DHX32: variants seen among roughly 807,000 people sequenced by gnomAD.
The protein encoded by DHX32 is DEAH-box helicase 32 (putative).
A neutral mutation model predicts 70.0 loss-of-function variants in DHX32; 51 were observed. That is an observed-to-expected ratio of 0.73 (90% confidence interval 0.58 to 0.92). The LOEUF (loss-of-function observed/expected upper bound fraction) is 0.92. Among genes scored for constraint, DHX32 ranks in the 40% least tolerant of loss-of-function variants. DHX32 has a pLI of 0.00. For synonymous variants in DHX32, 310 were observed against 315.3 expected (o/e 0.98, Z 0.18); for missense variants, 762 against 891.8 (o/e 0.85, Z 1.85).
At chr10:125,865,425 C>A (rs1944214782) in intron 2 of DHX32, among the ~76,000 whole-genome samples, 1 of 152,202 alleles carries the variant, frequency 6.6e-6, no homozygotes, top group Non-Finnish European at 1.5e-5. Flanking sequence ...TGCTGATGGT[C>A]TAAAGACTTT....
chr10:125,856,591 A>G (rs981941913), intron 3 of DHX32, among the ~76,000 whole-genome samples: 43 of 152,238 alleles, frequency 2.8e-4, no homozygotes, highest in African/African-American at 1.0e-3. Flanking sequence ...AGGCAAATGC[A>G]CTGCCGTTTC....
intron 8 of DHX32, among the ~76,000 whole-genome samples, chr10:125,840,608 C>T (rs1408117089): frequency 6.6e-6 from 1 of 152,224 alleles, no homozygotes; most frequent in Non-Finnish European, 1.5e-5. Context: ...TGAGTGGAGT[C>T]CTGGAGCTCT....
chr10:125,852,533 A>G lies in DHX32; in HGVS notation c.1192+10T>C, dbSNP rs751246260. On this transcript the variant is annotated intron_variant, in intron 5 of 10. Coordinates refer to ENST00000284690, the MANE Select transcript of DHX32 (RefSeq NM_018180.3). The stretch of plus-strand genomic sequence containing the variant: ...TTGACAACATTTAGTATTTGTGTCC[A>G]CAGCACTACCTGAAGAAGATGAGCC... 4.3e-6 allele frequency: 7 copies of G among 1,613,338 alleles called. No individual in the cohort carries two copies. Among genetic ancestry groups the G allele is most frequent in the Admixed American group, 1.7e-5 (1 of 59,898 alleles).
chr10:125,860,810 C>T (rs1330953929), intron 2 of DHX32, among the ~76,000 whole-genome samples: 3 of 130,102 alleles, frequency 2.3e-5, no homozygotes, highest in Non-Finnish European at 3.1e-5. Flanking sequence ...GGCTGGAGTG[C>T]AGTGGCGCAA....
Position 125,863,384 on chromosome 10 carries a change from G to T in DHX32, c.477-3409C>A, listed in dbSNP as rs899339672. On this transcript the variant is annotated intron_variant, in intron 2 of 10. Transcript: ENST00000284690. Reference sequence around the variant, plus strand: ...TATGATGTGTTTGATAGATACTAAGGGGCTACCAAAAAAATGAAAAAGACA... The same window carrying T: ...TATGATGTGTTTGATAGATACTAAGTGGCTACCAAAAAAATGAAAAAGACA... Among the ~76,000 whole-genome samples, 26 of 151,444 alleles carry T rather than the reference G, an allele frequency of 1.7e-4. 1 individual carries two copies. Among genetic ancestry groups the T allele is most frequent in the Admixed American group, 1.6e-3 (24 of 15,218 alleles).
chr10:125,877,984 A>G (rs988630944), intron 1 of DHX32, among the ~76,000 whole-genome samples: 1 of 152,252 alleles, frequency 6.6e-6, no homozygotes, highest in African/African-American at 2.4e-5. Flanking sequence ...TCTAATTCTT[A>G]CATCGCGAGA....
intron 7 of DHX32, chr10:125,841,346 C>A (rs1854874585): frequency 6.2e-7 from 1 of 1,613,976 alleles, no homozygotes; most frequent in South Asian, 1.1e-5. Context: ...TCTGTTCCCC[C>A]AGTATTAGAA....
rs1944314318 is a variant in DHX32, at chr10:125,881,076, GAAAC to G, written c.-256_-253del. Reference sequence around the variant, plus strand: ...AATGATTGTCAATAAACCACACTAAGAAACAAACAAACAAAAAGAGTAAGGAAAA... The same window carrying G: ...AATGATTGTCAATAAACCACACTAAGAAACAAACAAAAAGAGTAAGGAAAA... On this transcript the variant is annotated 5_prime_UTR_variant, in exon 1 of 11. Coordinates refer to ENST00000284690, the MANE Select transcript of DHX32 (RefSeq NM_018180.3). 3 of 372,398 alleles carry G rather than the reference GAAAC, an allele frequency of 8.1e-6. No individual in the cohort carries two copies. Among genetic ancestry groups the G allele is most frequent in the South Asian group, 1.2e-4 (1 of 8,346 alleles). The allele number at this position is 372,398 out of a possible 1,614,324, so 23.1% of individuals were successfully genotyped here.
intron 6 of DHX32, among the ~76,000 whole-genome samples, chr10:125,846,879 G>A (rs952556250): frequency 1.3e-5 from 2 of 152,180 alleles, no homozygotes; most frequent in African/African-American, 4.8e-5. Context: ...AGGGCAGAGA[G>A]CAGCTAAGAC....
At chr10:125,850,178 T>A (rs917339649) in intron 6 of DHX32, among the ~76,000 whole-genome samples, 6 of 150,638 alleles carry the variant, frequency 4.0e-5, no homozygotes, top group Non-Finnish European at 7.4e-5. Flanking sequence ...GGTCTTGTTA[T>A]ATTGCCCAGG....
In DHX32 at chr10:125,836,696, A is replaced by G. The variant is rs1854696382; in HGVS notation, c.2223T>C (p.Thr741=). ...ETCPETEQRC[T]LQ is the part of the protein sequence containing the mutation. ...TGTGTTTGCTGGGGAGTCACTGGAG[A>G]GTGCATCTCTGTTCAGTTTCAGGGC... is the stretch of plus-strand genomic sequence containing the variant. The change falls in exon 11 of 11, where the codon ACT becomes ACC. Residue 741 remains threonine, a synonymous_variant. Coordinates refer to ENST00000284690, the MANE Select transcript of DHX32 (RefSeq NM_018180.3). 2 of 1,613,714 alleles carry G rather than the reference A, an allele frequency of 1.2e-6. No individual in the cohort carries two copies. The highest frequency in any genetic ancestry group is 2.2e-5 in the East Asian group (1 of 44,884).
At chr10:125,844,839 T>C (rs1015490730) in intron 6 of DHX32, among the ~76,000 whole-genome samples, 1 of 152,238 alleles carries the variant, frequency 6.6e-6, no homozygotes, top group African/African-American at 2.4e-5. Flanking sequence ...TCATCTTTAT[T>C]AAGCTCGCTT....
intron 8 of DHX32, among the ~76,000 whole-genome samples, chr10:125,840,144 C>T (rs1173784982): frequency 3.3e-5 from 5 of 152,166 alleles, no homozygotes; most frequent in African/African-American, 7.2e-5. Flanking sequence ...TACTGGCTGC[C>T]CTTTATGGGT....
chr10:125,842,861 G>T (rs900137002), intron 6 of DHX32: 62 of 770,476 alleles, frequency 8.0e-5, no homozygotes, highest in Admixed American at 6.3e-5. Context: ...TAATGATGTG[G>T]TATTATATAT....
At chr10:125,855,436 T>A (rs1221528004) in intron 3 of DHX32, among the ~76,000 whole-genome samples, 1 of 149,032 alleles carries the variant, frequency 6.7e-6, no homozygotes, top group Non-Finnish European at 1.5e-5. Context: ...CAATTTCCTA[T>A]CAAGATAAAC....
At chr10:125,891,190 C>G (rs1235265373) in intron 1 of DHX32, among the ~76,000 whole-genome samples, 1 of 152,190 alleles carries the variant, frequency 6.6e-6, no homozygotes, top group Non-Finnish European at 1.5e-5. Context: ...TGCAAAAATA[C>G]TAATCTGGCT....
In DHX32 at chr10:125,880,908, G is replaced by A; in HGVS notation, c.-84C>T. 6.8e-7 allele frequency: 1 copy of A among 1,481,454 alleles called. No homozygotes were observed. Among genetic ancestry groups the A allele is most frequent in the Non-Finnish European group, 9.1e-7 (1 of 1,100,378 alleles). The allele number at this position is 1,481,454 out of a possible 1,614,324, so 91.8% of individuals were successfully genotyped here. On this transcript the variant is annotated 5_prime_UTR_variant, in exon 1 of 11. Coordinates refer to ENST00000284690, the MANE Select transcript of DHX32 (RefSeq NM_018180.3). ...AACCCATTGCAAACAGGGCTTAAAA[G>A]CCTATTTATACAAACCCGTATGTTC...
At chr10:125,836,885 A>AT (rs1412695346) in intron 10 of DHX32, 30 bp from the exon 11 acceptor site, 1 of 1,603,884 alleles carries the variant, frequency 6.2e-7, no homozygotes, top group African/African-American at 1.3e-5. Context: ...AGATGAGATT[A>AT]TGAGTGGGGA....
intron 6 of DHX32, among the ~76,000 whole-genome samples, chr10:125,843,598 C>T (rs368751797): frequency 1.3e-5 from 2 of 151,232 alleles, no homozygotes; most frequent in Non-Finnish European, 2.9e-5. Flanking sequence ...GGCGACAGAG[C>T]GAGACTCCGT....
Sources: allele counts gnomAD v4.1 joint callset (sites outside exome capture counted in the v4.1 genomes callset), GRCh38; gene constraint gnomAD v4.1.1; transcripts MANE v1.5; gene names NCBI Gene and HGNC (gene_info 2026-07-23, HGNC 2026-07-21).